The following UNC79 variants were observed in gnomAD, a reference collection of about 807,000 sequenced individuals.
The protein encoded by UNC79 is unc-79 subunit of NALCN channel complex.
UNC79 carries 37 observed loss-of-function variants against 283.1 expected under a neutral mutation model. The ratio of observed to expected loss-of-function variants is 0.13; its 90% confidence interval spans 0.10 to 0.17. The LOEUF is 0.17. Among genes scored for constraint, UNC79 ranks in the 10% least tolerant of loss-of-function variants. The pLI is 1.00. For missense variants in UNC79, 2,272 were observed against 3,211.1 expected (o/e 0.71, Z 7.07); for synonymous variants, 1,107 against 1,200.2 (o/e 0.92, Z 1.61).
chr14:93,406,529 A>G (rs976663863), intron 1 of UNC79, among the ~76,000 whole-genome samples: 2 of 152,220 alleles, frequency 1.3e-5, no homozygotes, highest in African/African-American at 4.8e-5. Context: ...TTGAGGCCAC[A>G]GTGAACTATA....
chr14:93,477,445 G>A (rs774757925), intron 3 of UNC79, 113 bp from the exon 4 acceptor site: 32 of 780,156 alleles, frequency 4.1e-5, no homozygotes, highest in Non-Finnish European at 5.9e-5. Flanking sequence ...AATAGAGATG[G>A]AGCACTAGTT....
intron 12 of UNC79, among the ~76,000 whole-genome samples, 177 bp from the exon 13 acceptor site, chr14:93,540,483 A>C (rs563603490): frequency 1.3e-5 from 2 of 152,286 alleles, no homozygotes; most frequent in Non-Finnish European, 2.9e-5. Flanking sequence ...AAATAGAATG[A>C]GGCATCCTGG....
intron 47 of UNC79, among the ~76,000 whole-genome samples, chr14:93,699,930 A>C (rs190480483): frequency 1.5e-3 from 229 of 152,248 alleles, no homozygotes; most frequent in Non-Finnish European, 2.5e-3. Context: ...CCTTCTGCCC[A>C]AAGGATTTTC....
At chr14:93,605,321 A>G (rs540926013) in intron 26 of UNC79, among the ~76,000 whole-genome samples, 2 of 152,258 alleles carry the variant, frequency 1.3e-5, no homozygotes, top group Non-Finnish European at 1.5e-5. Context: ...GGAAAACCAT[A>G]CATTTCATTT....
intron 1 of UNC79, among the ~76,000 whole-genome samples, chr14:93,455,947 T>C (rs2056785604): frequency 6.7e-6 from 1 of 150,126 alleles, no homozygotes; most frequent in African/African-American, 2.4e-5. Context: ...TGTGTGTGTA[T>C]GTGTGTGAAA....
chr14:93,448,357 T>C lies in UNC79; in HGVS notation c.22+17306T>C, dbSNP rs141609063. On this transcript the variant is annotated intron_variant, in intron 1 of 48. Coordinates refer to ENST00000555664, the Ensembl canonical transcript of UNC79. ...TTCTAGAATTTCCATCTTGTTCTTC[T>C]TGCATGATTTTTTTATTTCTGCTGA... Among the ~76,000 whole-genome samples the C allele has an allele frequency of 3.9e-5, 6 of 152,288 alleles. No individual in the cohort carries two copies. In the East Asian group the frequency reaches 9.7e-4, roughly 25 times the overall value.
intron 4 of UNC79, 115 bp downstream of exon 4, chr14:93,477,843 A>G: frequency 4.1e-6 from 4 of 966,182 alleles, no homozygotes; most frequent in Non-Finnish European, 4.5e-6. Flanking sequence ...CTTGATATAT[A>G]CAGGAGCTAT....
chr14:93,504,566 A>G (rs981217024), intron 7 of UNC79, among the ~76,000 whole-genome samples: 3 of 149,756 alleles, frequency 2.0e-5, no homozygotes, highest in Non-Finnish European at 3.0e-5. Context: ...TGTCTTGCAT[A>G]TCTCTCATGT....
chr14:93,524,128 T>A (rs1181291250), intron 8 of UNC79, 86 bp downstream of exon 8: 6 of 1,426,264 alleles, frequency 4.2e-6, no homozygotes. Context: ...TCCTTCTCTG[T>A]AAAGCAGAGG....
downstream of UNC79, chr14:93,706,953 G>T: frequency 6.3e-7 from 1 of 1,597,248 alleles, no homozygotes; most frequent in Non-Finnish European, 8.6e-7. Context: ...GCAATAATGG[G>T]TTTAAAAACA....
At chr14:93,418,754 C>T (rs896959439) in intron 1 of UNC79, among the ~76,000 whole-genome samples, 79 of 151,916 alleles carry the variant, frequency 5.2e-4, no homozygotes, top group African/African-American at 1.6e-3. Context: ...GCCTCGCTGC[C>T]GCCTTGCAGT....
chr14:93,593,542 C>G, intron 22 of UNC79, 138 bp from the exon 23 acceptor site: 1 of 945,214 alleles, frequency 1.1e-6, no homozygotes, highest in Non-Finnish European at 1.6e-6. Context: ...ATTATCCTCT[C>G]GTGGATGAGT....
intron 1 of UNC79, among the ~76,000 whole-genome samples, chr14:93,337,020 C>T (rs2053592412): frequency 6.6e-6 from 1 of 152,146 alleles, no homozygotes; most frequent in African/African-American, 2.4e-5. Context: ...GAAACCCCAC[C>T]TTCAAACCAG....
intron 1 of UNC79, among the ~76,000 whole-genome samples, chr14:93,448,536 G>T (rs1017474505): frequency 6.6e-6 from 1 of 152,042 alleles, no homozygotes; most frequent in African/African-American, 2.4e-5. Context: ...TTTCTTGTGG[G>T]AATGTGTTGT....
At chr14:93,650,441 G>T (rs753930033) in intron 35 of UNC79, among the ~76,000 whole-genome samples, 1 of 151,990 alleles carries the variant, frequency 6.6e-6, no homozygotes, top group Non-Finnish European at 1.5e-5. Context: ...AATGTATTCT[G>T]GTTGTTTCAT....
chr14:93,354,687 G>A (rs2054049585), intron 1 of UNC79, among the ~76,000 whole-genome samples: 1 of 151,944 alleles, frequency 6.6e-6, no homozygotes, highest in Non-Finnish European at 1.5e-5. Flanking sequence ...TTTTTTGTAG[G>A]GACGGGGTCT....
In UNC79 at chr14:93,655,382, A is replaced by G. The variant is rs2296687; in HGVS notation, c.6431A>G (p.Lys2144Arg). ...AACCAGTTTCAGACATTTTTTGCCA[A>G]GCTGCCTTGTGTTTTACCTCTGAAG... is the stretch of plus-strand genomic sequence containing the variant. Residue 2144 changes from lysine (K) to arginine (R), a missense_variant, in exon 38 of 49, where the codon AAG (lysine) becomes AGG (arginine). Coordinates refer to ENST00000555664, the Ensembl canonical transcript of UNC79. The G allele has an allele frequency of 2.3e-4, 371 of 1,614,112 alleles. 2 individuals are homozygous for G. The East Asian group carries it at 5.3e-3, about 23-fold the overall frequency.
At chr14:93,451,067 C>T (rs2140169853) in intron 1 of UNC79, among the ~76,000 whole-genome samples, 1 of 151,778 alleles carries the variant, frequency 6.6e-6, no homozygotes, top group Non-Finnish European at 1.5e-5. Context: ...AACAGCACAA[C>T]AGCGTTCATT....
upstream of UNC79, among the ~76,000 whole-genome samples, chr14:93,428,061 C>A (rs1016393296): frequency 6.6e-6 from 1 of 152,068 alleles, no homozygotes; most frequent in Non-Finnish European, 1.5e-5. Context: ...ATTTCAAATG[C>A]TGGCATTAGT....
Sources: allele counts gnomAD v4.1 joint callset (sites outside exome capture counted in the v4.1 genomes callset), GRCh38; gene constraint gnomAD v4.1.1; transcripts MANE v1.5; gene names NCBI Gene and HGNC (gene_info 2026-07-23, HGNC 2026-07-21).